GAN: variants seen among roughly 807,000 people sequenced by gnomAD.
GAN encodes the protein epididymis secretory sperm binding protein.
GAN carries 48 observed loss-of-function variants against 71.3 expected under a neutral mutation model. The ratio of observed to expected loss-of-function variants is 0.67; its 90% CI spans 0.53 to 0.86. The LOEUF (loss-of-function observed/expected upper bound fraction) is 0.86, where lower values mean the gene tolerates loss of function less well. GAN is among the 40% of genes least tolerant of loss of function. The pLI, the probability that GAN is intolerant of heterozygous loss-of-function variation, is 0.00. For synonymous variants in GAN, 386 were observed against 276.8 expected, an observed-to-expected ratio of 1.39 and a Z score of -3.92; for missense variants, 928 against 770.1, an observed-to-expected ratio of 1.21 and a Z score of -2.43.
intron 3 of GAN, among the ~76,000 whole-genome samples, chr16:81,355,921 G>C (rs1396967314): frequency 6.6e-6 from 1 of 152,164 alleles, no homozygotes; most frequent in Non-Finnish European, 1.5e-5. Flanking sequence ...GTAAGGACAG[G>C]TAGTGTTCTG....
At chr16:81,349,244 G>C (rs1268098886) in intron 1 of GAN, among the ~76,000 whole-genome samples, 2 of 151,270 alleles carry the variant, frequency 1.3e-5, no homozygotes, top group African/African-American at 4.9e-5. Flanking sequence ...CGGAGCCTTT[G>C]GGAAGTCTTC....
rs371971127 is a variant in GAN, at chr16:81,366,728, CT to C, written c.1502+1252del. Among the ~76,000 whole-genome samples the C allele has an allele frequency of 4.7e-4, 71 of 152,222 alleles. 1 individual carries two copies. In the East Asian group the frequency reaches 0.013, roughly 28 times the overall value. ...TTATTAGAGAGCAGTTTAGAGAATACTTGCTGTGGTAGGGGCAGATTTTCAG... is the reference window on the plus strand; with the variant it reads ...TTATTAGAGAGCAGTTTAGAGAATACTGCTGTGGTAGGGGCAGATTTTCAG... On this transcript the variant is annotated intron_variant, in intron 9 of 10. Transcript: ENST00000648994.
chr16:81,339,824 G>C (rs1308366160), intron 1 of GAN, among the ~76,000 whole-genome samples: 4 of 152,126 alleles, frequency 2.6e-5, no homozygotes, highest in African/African-American at 9.7e-5. Context: ...AATGGTATTG[G>C]GGGAGGTTAA....
chr16:81,341,095 AAAGG>A (rs1909925943), intron 1 of GAN, among the ~76,000 whole-genome samples: 1 of 151,910 alleles, frequency 6.6e-6, no homozygotes, highest in African/African-American at 2.4e-5. Context: ...ATTAGAGAAA[AAAGG>A]AGTGAAAAGA....
chr16:81,315,687 C>T (rs908410057), intron 1 of GAN, among the ~76,000 whole-genome samples: 5 of 152,190 alleles, frequency 3.3e-5, no homozygotes, highest in Admixed American at 2.0e-4. Context: ...AGAGTCACCC[C>T]CTCGCCCAGG....
At chr16:81,359,415 T>A (rs533950102) in intron 5 of GAN, among the ~76,000 whole-genome samples, 40 of 151,856 alleles carry the variant, frequency 2.6e-4, no homozygotes, top group Non-Finnish European at 3.1e-4. Context: ...GTTTTTTTTT[T>A]TTTTTTTGCC....
At position 81,380,817 on chromosome 16, in the gene GAN, A is replaced by C. The variant is rs310006; in HGVS notation, c.*3221A>C. On this transcript the variant is annotated 3_prime_UTR_variant, in exon 11 of 11. Coordinates refer to ENST00000648994, the MANE Select transcript of GAN (RefSeq NM_022041.4). ...GCAGGATTAAAAACAGTGTTTACCAACTCGTAGTTGGTATACTGTCAGGAT... is the reference window on the plus strand; with the variant it reads ...GCAGGATTAAAAACAGTGTTTACCACCTCGTAGTTGGTATACTGTCAGGAT... 0.27 allele frequency: 41,468 copies of C among 152,022 alleles called. 6,238 individuals are homozygous for C. The highest frequency in any genetic ancestry group is 0.35 in the Non-Finnish European group (23,729 of 67,932). The allele number at this position is 152,022 out of a possible 1,614,324, so 9.4% of individuals were successfully genotyped here. A position where few individuals can be genotyped will look rare whatever the true frequency, so the allele number is the denominator to read the frequency against.
chr16:81,357,600 A>G (rs1910533437), intron 4 of GAN, among the ~76,000 whole-genome samples: 1 of 152,214 alleles, frequency 6.6e-6, no homozygotes, highest in African/African-American at 2.4e-5. Context: ...AGCATGATTT[A>G]TAGTCCTTTG....
intron 1 of GAN, among the ~76,000 whole-genome samples, chr16:81,342,046 A>G (rs886782987): frequency 3.3e-5 from 5 of 152,236 alleles, no homozygotes; most frequent in East Asian, 1.9e-4. Context: ...AGGCCATTAC[A>G]TAATGGTAAA....
At chr16:81,339,660 C>T (rs775636942) in intron 1 of GAN, among the ~76,000 whole-genome samples, 46 of 152,154 alleles carry the variant, frequency 3.0e-4, no homozygotes, top group Non-Finnish European at 5.3e-4. Context: ...TGATAAGGTG[C>T]TGGGGAAATT....
chr16:81,315,195 C>A lies in GAN; in HGVS notation c.82C>A (p.Arg28Ser), dbSNP rs747806896. Residue 28 changes from arginine (R) to serine (S), a missense_variant, in exon 1 of 11, where the codon CGC becomes AGC. Arg to Ser is a moderately radical substitution (Grantham distance 110, BLOSUM62 -1). Transcript: ENST00000648994. ...GCTCAGCTCTTTCCGCGAGGAGTCT[C>A]GCTTCTGCGACGCGCACCTGGTCCT... ...RALSSFREES[R>S]FCDAHLVLDG... The A allele has an allele frequency of 1.3e-6, 2 of 1,577,160 alleles. No homozygotes were observed. The highest frequency in any genetic ancestry group is 1.8e-5 in the Admixed American group (1 of 55,906).
intron 9 of GAN, among the ~76,000 whole-genome samples, chr16:81,371,677 C>T (rs768003138): frequency 1.3e-5 from 2 of 152,120 alleles, no homozygotes; most frequent in Admixed American, 6.5e-5. Flanking sequence ...TTTGGAGATC[C>T]TGGTTGCCCC....
intron 1 of GAN, among the ~76,000 whole-genome samples, chr16:81,343,666 G>T (rs542955442): frequency 6.6e-6 from 1 of 152,146 alleles, no homozygotes; most frequent in Non-Finnish European, 1.5e-5. Flanking sequence ...ATATCATCCT[G>T]AATGGGCAAA....
chr16:81,365,288 C>A (rs938969930), intron 8 of GAN, 62 bp from the exon 9 acceptor site: 1 of 1,607,376 alleles, frequency 6.2e-7, no homozygotes, highest in Non-Finnish European at 8.5e-7. Context: ...ATAAGAGGAA[C>A]GCGGGAGTGA....
intron 1 of GAN, among the ~76,000 whole-genome samples, chr16:81,331,884 C>T (rs1476508076): frequency 2.6e-5 from 4 of 152,166 alleles, no homozygotes; most frequent in Admixed American, 1.3e-4. Flanking sequence ...CTTGGAAGGC[C>T]GGGCGTGGTG....
rs1904297053 is a variant in GAN at position 81,379,944 on chromosome 16, A to C, written c.*2348A>C. On this transcript the variant is annotated 3_prime_UTR_variant, in exon 11 of 11. Coordinates refer to ENST00000648994, the MANE Select transcript of GAN (RefSeq NM_022041.4). Reference sequence around the variant, plus strand: ...TTTTTTTTTTAATTTCAGTTCATTGACTCTATAACTGCAGAAATTAGATAA... The same window carrying C: ...TTTTTTTTTTAATTTCAGTTCATTGCCTCTATAACTGCAGAAATTAGATAA... 6.6e-6 allele frequency: 1 copy of C among 151,828 alleles called. No individual in the cohort carries two copies. The highest frequency in any genetic ancestry group is 6.6e-5 in the Admixed American group (1 of 15,198). The allele number at this position is 151,828 out of a possible 1,614,324, so 9.4% of individuals were successfully genotyped here.
chr16:81,361,225 A>C (rs1454980133), intron 5 of GAN, among the ~76,000 whole-genome samples: 1 of 152,172 alleles, frequency 6.6e-6, no homozygotes, highest in Non-Finnish European at 1.5e-5. Flanking sequence ...ACTGTCTTTA[A>C]AAAACAAAAA....
intron 1 of GAN, among the ~76,000 whole-genome samples, chr16:81,350,384 G>A (rs9932108): frequency 1.3e-5 from 2 of 152,248 alleles, no homozygotes; most frequent in African/African-American, 2.4e-5. Context: ...TTATGAATCC[G>A]CAGATGCCCT....
At position 81,363,813 on chromosome 16, in the gene GAN, T is replaced by C; in HGVS notation, c.1106T>C (p.Ile369Thr). ...PMNEARHNFGIVEIDGMLYIL... is the reference protein window; with the variant it reads ...PMNEARHNFGTVEIDGMLYIL... ...TTTCAGGCAAGACATAACTTCGGAA[T>C]TGTGGAGATAGATGGGATGCTGTAC... Residue 369 changes from isoleucine to threonine, a missense_variant, in exon 7 of 11, where the codon ATT becomes ACT. Physicochemically the swap from Ile to Thr is moderately conservative, Grantham distance 89. Coordinates refer to ENST00000648994, the MANE Select transcript of GAN (RefSeq NM_022041.4). The C allele has an allele frequency of 6.2e-7, 1 of 1,613,702 alleles. No homozygotes were observed. Among genetic ancestry groups the C allele is most frequent in the Non-Finnish European group, 8.5e-7 (1 of 1,179,642 alleles).
Sources: gnomAD v4.1 joint callset for allele counts (sites outside exome capture counted in the v4.1 genomes callset) on GRCh38, gnomAD v4.1.1 for gene constraint, MANE v1.5 for transcripts, NCBI Gene and HGNC (gene_info 2026-07-23, HGNC 2026-07-21) for gene names.